The following BMPR1B variants were observed in gnomAD, a reference collection of about 807,000 sequenced individuals.
BMPR1B encodes bone morphogenetic protein receptor type-1B.
In BMPR1B, 12 loss-of-function variants were observed where a neutral mutation model predicts 59.1. The observed-to-expected ratio is 0.20, with a 90% CI of 0.13 to 0.33. The LOEUF is 0.33. BMPR1B is among the 10% of genes least tolerant of loss of function. The pLI is 1.00. For synonymous variants in BMPR1B, 237 were observed against 207.3 expected (o/e 1.14, Z -1.23); for missense variants, 550 against 610.9 (o/e 0.90, Z 1.05).
At chr4:95,029,039 T>G (rs1724623398) in intron 3 of BMPR1B, among the ~76,000 whole-genome samples, 1 of 151,178 alleles carries the variant, frequency 6.6e-6, no homozygotes. Flanking sequence ...CACTAGCCTT[T>G]CAAGTTCTTG....
At chr4:95,005,533 T>G (rs1431890298) in intron 3 of BMPR1B, among the ~76,000 whole-genome samples, 1 of 152,136 alleles carries the variant, frequency 6.6e-6, no homozygotes, top group African/African-American at 2.4e-5. Flanking sequence ...ATACATGTTA[T>G]CACTCCCCTC....
At chr4:95,020,590 AAAAAAG>A (rs1251007326) in intron 3 of BMPR1B, among the ~76,000 whole-genome samples, 1 of 152,160 alleles carries the variant, frequency 6.6e-6, no homozygotes, top group African/African-American at 2.4e-5. Flanking sequence ...AAAAAAAAAA[AAAAAAG>A]AGTTATCTAG....
chr4:95,120,651 T>TTCCTTCC (rs767350006), intron 6 of BMPR1B, among the ~76,000 whole-genome samples: 8 of 34,290 alleles, frequency 2.3e-4, no homozygotes, highest in South Asian at 6.7e-4. Flanking sequence ...CCTTCCTTCC[T>TTCCTTCC]TTCCTTCCTT....
chr4:94,883,813 C>G (rs757982351), intron 2 of BMPR1B, among the ~76,000 whole-genome samples: 37 of 152,076 alleles, frequency 2.4e-4, no homozygotes, highest in Non-Finnish European at 4.9e-4. Flanking sequence ...ATTCATGTCT[C>G]TATTCTTCAT....
At chr4:94,912,349 G>A (rs1448997582) in intron 2 of BMPR1B, among the ~76,000 whole-genome samples, 1 of 152,070 alleles carries the variant, frequency 6.6e-6, no homozygotes, top group African/African-American at 2.4e-5. Context: ...GTATGAGGTG[G>A]GTGGAGGTTA....
chr4:95,091,611 G>A (rs762109427), intron 3 of BMPR1B: 1 of 985,062 alleles, frequency 1.0e-6, no homozygotes, highest in Non-Finnish European at 1.2e-6. Flanking sequence ...CATATATCAA[G>A]CGTACAGAAA....
intron 2 of BMPR1B, among the ~76,000 whole-genome samples, chr4:94,942,342 TA>T (rs1405421598): frequency 6.6e-6 from 1 of 152,250 alleles, no homozygotes; most frequent in African/African-American, 2.4e-5. Flanking sequence ...TGTCTTTATA[TA>T]ATTTCTTTTG....
At chr4:94,801,024 T>C (rs1445844318) in intron 1 of BMPR1B, among the ~76,000 whole-genome samples, 1 of 152,196 alleles carries the variant, frequency 6.6e-6, no homozygotes, top group Non-Finnish European at 1.5e-5. Context: ...TTTTTAAGCA[T>C]GCTTAGGACA....
At chr4:95,074,270 A>G (rs1242459638) in intron 3 of BMPR1B, among the ~76,000 whole-genome samples, 1 of 152,104 alleles carries the variant, frequency 6.6e-6, no homozygotes, top group Non-Finnish European at 1.5e-5. Flanking sequence ...TGCAATATGA[A>G]AAATACAATA....
chr4:95,124,918 T>G (rs1732791650), intron 7 of BMPR1B, 65 bp from the exon 8 acceptor site: 2 of 1,443,998 alleles, frequency 1.4e-6, no homozygotes, highest in Non-Finnish European at 9.7e-7. Flanking sequence ...ACCATTTTAG[T>G]TGCAATATTT....
intron 2 of BMPR1B, among the ~76,000 whole-genome samples, chr4:94,925,190 T>C (rs1165514609): frequency 6.6e-6 from 1 of 152,118 alleles, no homozygotes; most frequent in Non-Finnish European, 1.5e-5. Context: ...ACATTAAGAA[T>C]ATGGATTCCT....
chr4:94,857,075 T>C lies in BMPR1B; in HGVS notation c.-182-18756T>C, dbSNP rs145878834. ...AGTAAAGAGTATGCTTCAGGAACTC[T>C]TTCAGATTTCAAGAGAAGGATCAAG... On this transcript the variant is annotated intron_variant, in intron 1 of 12. Coordinates refer to ENST00000515059, the MANE Select transcript of BMPR1B (RefSeq NM_001203.3). Among the ~76,000 whole-genome samples, 596 of 152,124 alleles carry C rather than the reference T, an allele frequency of 3.9e-3. 7 individuals carry two copies. The highest frequency in any genetic ancestry group is 0.014 in the African/African-American group (569 of 41,488).
At chr4:94,950,253 G>T (rs973066887) in intron 2 of BMPR1B, among the ~76,000 whole-genome samples, 7 of 152,062 alleles carry the variant, frequency 4.6e-5, no homozygotes, top group Admixed American at 4.6e-4. Flanking sequence ...TCACTCTGAT[G>T]ATAAGTTTCT....
chr4:95,151,237 T>A (rs1266539920), intron 11 of BMPR1B, among the ~76,000 whole-genome samples: 1 of 152,222 alleles, frequency 6.6e-6, no homozygotes, highest in Non-Finnish European at 1.5e-5. Flanking sequence ...GGCCTATTAT[T>A]CAACAGTTAG....
intron 2 of BMPR1B, among the ~76,000 whole-genome samples, chr4:94,969,046 T>G (rs1366538643): frequency 6.6e-6 from 1 of 152,022 alleles, no homozygotes; most frequent in Non-Finnish European, 1.5e-5. Flanking sequence ...TTTTGTTGTT[T>G]TTTTTTTGAG....
At chr4:94,969,666 T>G (rs988605410) in intron 2 of BMPR1B, among the ~76,000 whole-genome samples, 1 of 152,218 alleles carries the variant, frequency 6.6e-6, no homozygotes, top group Non-Finnish European at 1.5e-5. Context: ...ATTTTTCTCC[T>G]TAACATTTAT....
chr4:94,837,930 C>G lies in BMPR1B; in HGVS notation c.-182-37901C>G, dbSNP rs1416073927. The stretch of plus-strand genomic sequence containing the variant: ...TAGCTCTTATTATTTTGAAATATGT[C>G]CCATCAATACCTAATTTGTTGAGAG... On this transcript the variant is annotated intron_variant, in intron 1 of 12. Coordinates refer to ENST00000515059, the MANE Select transcript of BMPR1B (RefSeq NM_001203.3). Among the ~76,000 whole-genome samples, 26 of 130,202 alleles carry G rather than the reference C, an allele frequency of 2.0e-4. 5 individuals carry two copies. Among genetic ancestry groups the G allele is most frequent in the South Asian group, 5.4e-4 (2 of 3,690 alleles). 85.4% of individuals were successfully genotyped at this position (130,202 alleles called of 152,430 possible).
intron 2 of BMPR1B, among the ~76,000 whole-genome samples, chr4:94,893,375 C>T (rs1478099925): frequency 6.6e-6 from 1 of 151,896 alleles, no homozygotes; most frequent in Non-Finnish European, 1.5e-5. Flanking sequence ...GAGGCTTTAC[C>T]TCAATGCCTT....
At chr4:94,926,801 G>A (rs1389310127) in intron 2 of BMPR1B, among the ~76,000 whole-genome samples, 2 of 152,024 alleles carry the variant, frequency 1.3e-5, no homozygotes, top group East Asian at 3.9e-4. Context: ...ATTCATAGGT[G>A]AAAATCTAGT....
Sources: gnomAD v4.1 joint callset for allele counts (sites outside exome capture counted in the v4.1 genomes callset) on GRCh38, gnomAD v4.1.1 for gene constraint, MANE v1.5 for transcripts, NCBI Gene and HGNC (gene_info 2026-07-23, HGNC 2026-07-21) for gene names.